The following TTC39A variants were observed in gnomAD, a reference collection of about 807,000 sequenced individuals.
The protein encoded by TTC39A is tetratricopeptide repeat domain 39A.
TTC39A carries 46 observed loss-of-function variants against 82.3 expected under a neutral mutation model. The observed-to-expected ratio is 0.56, with a 90% confidence interval of 0.44 to 0.71. The LOEUF (loss-of-function observed/expected upper bound fraction) is 0.71. TTC39A is among the 30% of genes least tolerant of loss of function. The pLI is 0.00. For synonymous variants in TTC39A, 254 were observed against 275.2 expected (o/e 0.92, Z 0.76); for missense variants, 543 against 712.9 (o/e 0.76, Z 2.71).
At chr1:51,330,575 G>A, upstream of TTC39A, 1 of 983,058 alleles carries the variant, frequency 1.0e-6, no homozygotes, top group Non-Finnish European at 1.2e-6. This position sits in a 1 kb window ranked among gnomAD's most constrained non-coding sequence, Gnocchi z 4.5. Context: ...GGTCGCGGAC[G>A]CGGCGGCCGG....
chr1:51,327,243 G>C (rs912236678), intron 1 of TTC39A, among the ~76,000 whole-genome samples: 1 of 152,200 alleles, frequency 6.6e-6, no homozygotes, highest in Non-Finnish European at 1.5e-5. Context: ...CGGAGCGGTC[G>C]CTCAGGAAGC....
intron 14 of TTC39A, among the ~76,000 whole-genome samples, chr1:51,291,289 G>C (rs191157860): frequency 1.3e-5 from 2 of 151,934 alleles, no homozygotes; most frequent in Non-Finnish European, 2.9e-5. Flanking sequence ...TCAGGAGTTC[G>C]AGACTAGCCT....
intron 6 of TTC39A, among the ~76,000 whole-genome samples, chr1:51,306,852 G>GGCC (rs1644884367): frequency 4.9e-5 from 1 of 20,554 alleles, no homozygotes; most frequent in African/African-American, 2.2e-4. Context: ...TTAAGGGACA[G>GGCC]ACCCCCCCCC....
At chr1:51,322,328 A>G in intron 1 of TTC39A, 1 of 1,394,290 alleles carries the variant, frequency 7.2e-7, no homozygotes, top group Non-Finnish European at 9.3e-7. Context: ...CCCAAACGAG[A>G]GGCCCAGGGC....
chr1:51,304,963 G>T, intron 8 of TTC39A, 118 bp downstream of exon 8: 1 of 1,073,736 alleles, frequency 9.3e-7, no homozygotes, highest in East Asian at 2.5e-5. Flanking sequence ...GCCATACAAT[G>T]AGAGGGGCTG....
rs1046462080 is a variant in TTC39A, at chr1:51,330,350, G to C, written c.41+87C>G. The C allele has an allele frequency of 3.3e-6, 3 of 920,616 alleles. No individual in the cohort carries two copies. Among genetic ancestry groups the C allele is most frequent in the African/African-American group, 3.6e-5 (2 of 55,464 alleles). 57.0% of individuals were successfully genotyped at this position (920,616 alleles called of 1,614,324 possible). A position where few individuals can be genotyped will look rare whatever the true frequency, so the allele number is the denominator to read the frequency against. On this transcript the variant is annotated intron_variant, in intron 1 of 17. Coordinates refer to ENST00000680483, the MANE Select transcript of TTC39A (RefSeq NM_001297663.2). This position sits in a 1 kb window ranked among gnomAD's most constrained non-coding sequence, Gnocchi z 4.5. The stretch of plus-strand genomic sequence containing the variant: ...GCAGTGCGGCCCCAGGCCGGTGCGC[G>C]GGGGGAGGCCTGGCGCGGCGCCCGC...
chr1:51,314,541 G>C (rs1487399863), intron 2 of TTC39A, among the ~76,000 whole-genome samples: 2 of 152,206 alleles, frequency 1.3e-5, no homozygotes, highest in East Asian at 1.9e-4. Flanking sequence ...CATAAGTTAA[G>C]TTACTTCTGG....
At chr1:51,330,900 G>A, upstream of TTC39A, 2 of 599,952 alleles carry the variant, frequency 3.3e-6, no homozygotes. This position sits in a 1 kb window ranked among gnomAD's most constrained non-coding sequence, Gnocchi z 4.5. Context: ...CCCCACCTGA[G>A]CCGTCACCAT....
Position 51,322,281 on chromosome 1 carries a change from G to A in TTC39A, c.42-456C>T, listed in dbSNP as rs1415224526. ...AGGCCTGGACTCTAGAATCCCTGAC[G>A]TTGTCACAATGGGCTGTCACACTAT... On this transcript the variant is annotated intron_variant, in intron 1 of 17. Coordinates refer to ENST00000680483, the MANE Select transcript of TTC39A (RefSeq NM_001297663.2). 9.7e-6 allele frequency: 14 copies of A among 1,438,624 alleles called. No homozygotes were observed. In the East Asian group the frequency reaches 1.0e-4, roughly 10 times the overall value. The allele number at this position is 1,438,624 out of a possible 1,614,324, so 89.1% of individuals were successfully genotyped here.
intron 4 of TTC39A, 52 bp downstream of exon 4, chr1:51,312,067 G>GA: frequency 1.3e-6 from 2 of 1,568,968 alleles, no homozygotes; most frequent in Non-Finnish European, 1.7e-6. Context: ...CCTGGGCCTG[G>GA]AGCTGGCCAC....
chr1:51,287,972 G>A lies in TTC39A; in HGVS notation c.*185C>T. ...TCCACCTGCTCTGCCCTTGGCAAAG[G>A]CCCTTGGCTACACTGGTGAAAATGC... On this transcript the variant is annotated 3_prime_UTR_variant, in exon 18 of 18. Coordinates refer to ENST00000680483, the MANE Select transcript of TTC39A (RefSeq NM_001297663.2). The A allele has an allele frequency of 1.1e-6, 1 of 929,830 alleles. No homozygotes were observed. 57.6% of individuals were successfully genotyped at this position (929,830 alleles called of 1,614,324 possible).
chr1:51,307,718 G>C (rs1209100056), intron 6 of TTC39A, among the ~76,000 whole-genome samples: 4 of 133,324 alleles, frequency 3.0e-5, no homozygotes, highest in Non-Finnish European at 6.2e-5. Flanking sequence ...CTGGGCGACA[G>C]AGCAAGACTC....
chr1:51,327,724 GCT>G (rs1228408773), intron 1 of TTC39A, among the ~76,000 whole-genome samples: 2 of 148,266 alleles, frequency 1.3e-5, no homozygotes, highest in Non-Finnish European at 3.0e-5. Context: ...TTTGAGAGAG[GCT>G]CTCTCTGTCG....
intron 12 of TTC39A, chr1:51,299,536 A>G (rs1644571663): frequency 6.6e-6 from 1 of 152,316 alleles, no homozygotes; most frequent in African/African-American, 2.4e-5. Context: ...GAGATTAGAA[A>G]TGGGTGGGGC....
intron 8 of TTC39A, 21 bp from the exon 9 acceptor site, chr1:51,303,213 G>GAAGCTGTGCCC: frequency 2.8e-6 from 3 of 1,084,502 alleles, no homozygotes; most frequent in Non-Finnish European, 4.1e-6. Flanking sequence ...GGGAGGGTGG[G>GAAGCTGTGCCC]TGAGGCTCCC....
rs982401967 is a variant in TTC39A at position 51,287,352 on chromosome 1, G to A, written c.*805C>T. On this transcript the variant is annotated 3_prime_UTR_variant, in exon 18 of 18. Coordinates refer to ENST00000680483, the MANE Select transcript of TTC39A (RefSeq NM_001297663.2). ...TTTTATGTTTCATAAATTATTCCCAGTGGTTTCAGTTTGGCATACAGCAAA... is the reference window on the plus strand; with the variant it reads ...TTTTATGTTTCATAAATTATTCCCAATGGTTTCAGTTTGGCATACAGCAAA... 2 of 152,158 alleles carry A rather than the reference G, an allele frequency of 1.3e-5. No individual in the cohort carries two copies. Among genetic ancestry groups the A allele is most frequent in the Non-Finnish European group, 2.9e-5 (2 of 68,036 alleles). 9.4% of individuals were successfully genotyped at this position (152,158 alleles called of 1,614,324 possible).
intron 2 of TTC39A, among the ~76,000 whole-genome samples, chr1:51,320,170 C>T (rs1177093567): frequency 6.6e-6 from 1 of 152,082 alleles, no homozygotes; most frequent in Non-Finnish European, 1.5e-5. Context: ...GTACTGAGTG[C>T]TTACTTGATA....
Position 51,336,535 on chromosome 1 carries a change from G to A in TTC39A, c.53+8456C>T, listed in dbSNP as rs1213323243. Among the ~76,000 whole-genome samples the A allele has an allele frequency of 4.6e-5, 7 of 152,150 alleles. No individual in the cohort carries two copies. The East Asian group carries it at 1.2e-3, about 25-fold the overall frequency. On this transcript the variant is annotated intron_variant, in intron 1 of 5. Coordinates refer to the TTC39A transcript ENST00000401051. ...AGCCTGGGTTAGCACAAGGGACCAA[G>A]AACAGCTCTAACTGAAAAAAGGGGT...
At chr1:51,290,251 T>A (rs938719943) in intron 15 of TTC39A, 132 bp from the exon 16 acceptor site, 1 of 832,348 alleles carries the variant, frequency 1.2e-6, no homozygotes, top group Non-Finnish European at 1.9e-6. Flanking sequence ...TCAGCAGGGG[T>A]CACATCTAAG....
Sources: gnomAD v4.1 joint callset for allele counts (sites outside exome capture counted in the v4.1 genomes callset) on GRCh38, gnomAD v4.1.1 for gene constraint, Gnocchi (gnomAD v3.1) non-coding constraint, MANE v1.5 for transcripts, NCBI Gene and HGNC (gene_info 2026-07-23, HGNC 2026-07-21) for gene names.